The following POLR3G variants were observed in gnomAD, a reference collection of about 807,000 sequenced individuals.
The protein encoded by POLR3G is RNA polymerase III subunit G, also known as DNA-directed RNA polymerase III subunit RPC7.
POLR3G carries 28 observed loss-of-function variants against 30.1 expected under a neutral mutation model. The ratio of observed to expected loss-of-function variants is 0.93; its 90% confidence interval spans 0.69 to 1.27. POLR3G has a LOEUF of 1.27. Ranked by LOEUF, POLR3G falls within the 50% of genes most tolerant of loss-of-function variation. The pLI, the probability that POLR3G is intolerant of heterozygous loss-of-function variation, is 0.00. For missense variants in POLR3G, 254 were observed against 264.6 expected (o/e 0.96, Z 0.28); for synonymous variants, 79 against 82.5 (o/e 0.96, Z 0.23).
chr5:90,487,200 T>C (rs999643287), intron 2 of POLR3G, among the ~76,000 whole-genome samples: 1 of 152,114 alleles, frequency 6.6e-6, no homozygotes, highest in African/African-American at 2.4e-5. Flanking sequence ...AATGAGATAC[T>C]GGATGTTGGA....
intron 5 of POLR3G, among the ~76,000 whole-genome samples, chr5:90,499,749 C>T (rs754159987): frequency 1.2e-4 from 18 of 152,134 alleles, no homozygotes; most frequent in Non-Finnish European, 1.9e-4. Flanking sequence ...ATTTGAAGTA[C>T]ATACACAATT....
intron 4 of POLR3G, among the ~76,000 whole-genome samples, chr5:90,496,418 C>A (rs1469155415): frequency 6.6e-6 from 1 of 152,160 alleles, no homozygotes; most frequent in African/African-American, 2.4e-5. Flanking sequence ...GAAGAGAAAG[C>A]AAAAATCTCG....
chr5:90,495,843 G>C (rs1751959343), intron 4 of POLR3G, 110 bp downstream of exon 4: 2 of 1,350,170 alleles, frequency 1.5e-6, no homozygotes, highest in South Asian at 3.5e-5. Flanking sequence ...AACTGAGTCT[G>C]GTTCTTTTAT....
At chr5:90,498,051 A>G (rs1361491344) in intron 5 of POLR3G, among the ~76,000 whole-genome samples, 1 of 152,192 alleles carries the variant, frequency 6.6e-6, no homozygotes, top group African/African-American at 2.4e-5. Context: ...CAGAGGCTGC[A>G]ATTAGCCTAA....
At chr5:90,474,129 T>C, upstream of POLR3G, 3 of 1,584,692 alleles carry the variant, frequency 1.9e-6, no homozygotes, top group Non-Finnish European at 2.6e-6. Flanking sequence ...GTACAGGTAC[T>C]CCGGGAGGCT....
rs778624444 is a variant in POLR3G, at chr5:90,488,135, G to A, written c.247+6G>A. The A allele has an allele frequency of 4.4e-6, 7 of 1,595,064 alleles. No individual in the cohort carries two copies. The highest frequency in any genetic ancestry group is 1.8e-5 in the Admixed American group (1 of 56,048). ...AACACCTGAAGAAAGACAAGGTACT[G>A]TATTGGAGTCTTTGATTATGTGGCT... is the stretch of plus-strand genomic sequence containing the variant. On this transcript the variant is annotated splice_donor_region_variant and intron_variant, in intron 3 of 7. Transcript: ENST00000651687.
At chr5:90,474,720 A>T, upstream of POLR3G, 1 of 202,244 alleles carries the variant, frequency 4.9e-6, no homozygotes, top group South Asian at 7.3e-5. Context: ...CTGGCTCTGC[A>T]GGGCGCGCAC....
intron 7 of POLR3G, among the ~76,000 whole-genome samples, chr5:90,508,831 A>G (rs563262060): frequency 2.0e-4 from 31 of 152,288 alleles, no homozygotes; most frequent in African/African-American, 7.5e-4. Context: ...TGGGAGGCCA[A>G]GGCGGGTGGA....
chr5:90,505,783 TATA>T (rs1249360266), intron 6 of POLR3G, among the ~76,000 whole-genome samples: 1 of 152,194 alleles, frequency 6.6e-6, no homozygotes, highest in African/African-American at 2.4e-5. Context: ...GACTTGCTAT[TATA>T]ATAATAGTAT....
At chr5:90,505,481 T>C (rs954224688) in intron 6 of POLR3G, among the ~76,000 whole-genome samples, 1 of 152,218 alleles carries the variant, frequency 6.6e-6, no homozygotes, top group African/African-American at 2.4e-5. Context: ...AATACAAAGA[T>C]GTAATTTTAA....
intron 7 of POLR3G, among the ~76,000 whole-genome samples, chr5:90,510,786 C>G (rs1383359027): frequency 1.3e-5 from 2 of 151,152 alleles, no homozygotes; most frequent in African/African-American, 2.4e-5. Context: ...AGATAACTAT[C>G]TAAAGAATGC....
intron 6 of POLR3G, among the ~76,000 whole-genome samples, chr5:90,504,329 G>A (rs1037601029): frequency 2.0e-5 from 3 of 151,944 alleles, no homozygotes; most frequent in East Asian, 1.9e-4. Flanking sequence ...GGGAGGCCGA[G>A]GCGGGTGGAT....
intron 7 of POLR3G, among the ~76,000 whole-genome samples, chr5:90,507,642 A>T (rs1347663394): frequency 6.6e-6 from 1 of 152,168 alleles, no homozygotes; most frequent in Non-Finnish European, 1.5e-5. Flanking sequence ...AAGTAGTAGA[A>T]GCTTCTGATT....
Position 90,512,113 on chromosome 5 carries a change from G to A in POLR3G, c.646G>A (p.Asp216Asn). 6.2e-7 allele frequency: 1 copy of A among 1,607,706 alleles called. No individual in the cohort carries two copies. Among genetic ancestry groups the A allele is most frequent in the Non-Finnish European group, 8.5e-7 (1 of 1,174,746 alleles). Reference protein sequence around the residue: ...DGDDFGADSDDNMDEATY With the variant: ...DGDDFGADSDNNMDEATY ...AGATGATTTTGGCGCAGACAGTGAT[G>A]ACAACATGGATGAGGCAACCTATTA... The change falls in exon 8 of 8, where the codon GAC becomes AAC. Residue 216 changes from aspartate (D) to asparagine (N), a missense_variant. Physicochemically the swap from Asp to Asn is conservative, Grantham distance 23. Transcript: ENST00000651687.
chr5:90,479,915 A>G (rs917914120), intron 1 of POLR3G, among the ~76,000 whole-genome samples: 7 of 152,352 alleles, frequency 4.6e-5, no homozygotes, highest in Non-Finnish European at 1.0e-4. Context: ...TAGGATGAGT[A>G]ATGTGGATCC....
upstream of POLR3G, chr5:90,474,245 G>A (rs768033863): frequency 9.9e-6 from 16 of 1,613,552 alleles, no homozygotes; most frequent in Middle Eastern, 1.6e-4. Flanking sequence ...GAATCCAGAA[G>A]ATACCATCGC....
At chr5:90,502,893 A>T (rs1392383988) in intron 6 of POLR3G, among the ~76,000 whole-genome samples, 5 of 149,640 alleles carry the variant, frequency 3.3e-5, no homozygotes, top group Non-Finnish European at 5.9e-5. Context: ...ATTATGTTTC[A>T]TCTAGTGTTT....
intron 4 of POLR3G, 84 bp downstream of exon 4, chr5:90,495,817 A>G (rs1287360371): frequency 5.5e-6 from 8 of 1,461,746 alleles, no homozygotes; most frequent in African/African-American, 1.5e-5. Flanking sequence ...TAAGTTTTCT[A>G]TTTTTACCAT....
chr5:90,492,567 G>C (rs1308726407), intron 3 of POLR3G, among the ~76,000 whole-genome samples: 2 of 151,942 alleles, frequency 1.3e-5, no homozygotes, highest in Admixed American at 6.6e-5. Flanking sequence ...AAGATGGCTG[G>C]GCCATCCTCT....
Sources: allele counts gnomAD v4.1 joint callset (sites outside exome capture counted in the v4.1 genomes callset), GRCh38; gene constraint gnomAD v4.1.1; transcripts MANE v1.5; gene names NCBI Gene and HGNC (gene_info 2026-07-23, HGNC 2026-07-21).